The following LPAR6 variants were observed in gnomAD, a reference collection of about 807,000 sequenced individuals.
LPAR6 encodes the protein lysophosphatidic acid receptor 6.
In LPAR6, 17 loss-of-function variants were observed where a neutral mutation model predicts 22.0. That is an observed-to-expected ratio of 0.77 (90% confidence interval 0.53 to 1.16). LPAR6 has a LOEUF of 1.16. Ranked by LOEUF, LPAR6 falls within the 50% of genes most tolerant of loss-of-function variation. The probability of loss-of-function intolerance (pLI) is 0.00; values close to 1 mark genes in which losing one functional copy is unlikely to be tolerated. For missense variants in LPAR6, 384 were observed against 406.9 expected (o/e 0.94, Z 0.48); for synonymous variants, 136 against 139.8 (o/e 0.97, Z 0.19).
intron 1 of LPAR6, among the ~76,000 whole-genome samples, chr13:48,434,051 T>C (rs1001459206): frequency 5.3e-5 from 8 of 152,056 alleles, no homozygotes; most frequent in Non-Finnish European, 1.2e-4. Flanking sequence ...GTTACAAGAA[T>C]ATATGTTCTT....
intron 1 of LPAR6, among the ~76,000 whole-genome samples, chr13:48,435,659 AT>A (rs1444958473): frequency 6.6e-6 from 1 of 152,146 alleles, no homozygotes; most frequent in Admixed American, 6.5e-5. Flanking sequence ...ATTTTCCCTT[AT>A]ACTTAAAAAA....
At chr13:48,416,005 T>G (rs1948902135), upstream of LPAR6, among the ~76,000 whole-genome samples, 1 of 152,240 alleles carries the variant, frequency 6.6e-6, no homozygotes. Flanking sequence ...GATACTTTTG[T>G]ATTTGATAAA....
chr13:48,423,534 A>G (rs564322573), intron 1 of LPAR6, among the ~76,000 whole-genome samples: 1 of 152,126 alleles, frequency 6.6e-6, no homozygotes, highest in Non-Finnish European at 1.5e-5. Flanking sequence ...TAAAAGACCT[A>G]TTTTTTTCCA....
chr13:48,430,387 A>G (rs944739487), upstream of LPAR6, among the ~76,000 whole-genome samples: 4 of 152,186 alleles, frequency 2.6e-5, no homozygotes, highest in Non-Finnish European at 4.4e-5. Flanking sequence ...TCAATAAAAA[A>G]TGACTCCATT....
intron 1 of LPAR6, among the ~76,000 whole-genome samples, chr13:48,444,118 C>T (rs1239434645): frequency 6.6e-6 from 1 of 152,084 alleles, no homozygotes; most frequent in East Asian, 1.9e-4. Context: ...TACCTCATAC[C>T]CCCAGACACC....
intron 1 of LPAR6, among the ~76,000 whole-genome samples, chr13:48,405,675 T>G (rs1948733489): frequency 6.6e-6 from 1 of 152,222 alleles, no homozygotes; most frequent in Admixed American, 6.5e-5. Context: ...GAAGAAAGTT[T>G]GTCAATACCC....
rs554356667 is a variant in LPAR6, at chr13:48,412,591, G to A, written c.-168C>T. 213 of 634,750 alleles carry A rather than the reference G, an allele frequency of 3.4e-4. No individual in the cohort carries two copies. The Middle Eastern group carries it at 3.7e-3, about 11-fold the overall frequency. The allele number at this position is 634,750 out of a possible 1,614,324, so 39.3% of individuals were successfully genotyped here. On this transcript the variant is annotated 5_prime_UTR_variant, in exon 1 of 1. Transcript: ENST00000620633. ...TCTCAGAAATACCCAAAAGAAACAT[G>A]AAATTTGTTGCTGTAAAATTTCCGC...
chr13:48,392,133 T>C (rs2138161406), intron 1 of LPAR6, among the ~76,000 whole-genome samples: 1 of 152,138 alleles, frequency 6.6e-6, no homozygotes, highest in African/African-American at 2.4e-5. Flanking sequence ...TTTTTTGAGA[T>C]GAAGCCTCGC....
intron 1 of LPAR6, among the ~76,000 whole-genome samples, chr13:48,397,379 C>A (rs1443075311): frequency 6.6e-6 from 1 of 152,090 alleles, no homozygotes; most frequent in Non-Finnish European, 1.5e-5. Flanking sequence ...TCATTCTCAG[C>A]AAACTAACCA....
intron 1 of LPAR6, among the ~76,000 whole-genome samples, chr13:48,390,586 TA>T (rs919297248): frequency 6.6e-6 from 1 of 151,514 alleles, no homozygotes; most frequent in African/African-American, 2.4e-5. Flanking sequence ...CTGGCTCACT[TA>T]AAAAAAAACT....
At chr13:48,390,662 T>C (rs993863388) in intron 1 of LPAR6, among the ~76,000 whole-genome samples, 7 of 152,196 alleles carry the variant, frequency 4.6e-5, no homozygotes, top group Non-Finnish European at 1.5e-5. Flanking sequence ...AAGCATTAGA[T>C]TTGTAATGTC....
intron 1 of LPAR6, chr13:48,391,374 A>G (rs1044725337): frequency 1.3e-5 from 2 of 152,172 alleles, no homozygotes; most frequent in South Asian, 2.1e-4. Context: ...GAGAAAAAAG[A>G]TGTTTTTATT....
At chr13:48,431,319 C>A (rs1321637762), upstream of LPAR6, among the ~76,000 whole-genome samples, 3 of 151,988 alleles carry the variant, frequency 2.0e-5, no homozygotes, top group Admixed American at 2.0e-4. Flanking sequence ...TCTTTCTTTT[C>A]TTTTTATTAT....
At chr13:48,429,594 A>G (rs1949109463), upstream of LPAR6, 1 of 152,186 alleles carries the variant, frequency 6.6e-6, no homozygotes, top group Admixed American at 6.5e-5. Flanking sequence ...AGAACTAAAA[A>G]AAAAACAAAA....
In LPAR6 at chr13:48,411,989, G is replaced by T. The variant is rs1566212254; in HGVS notation, c.435C>A (p.Ile145=). The T allele has an allele frequency of 1.9e-6, 3 of 1,605,290 alleles. No individual in the cohort carries two copies. Among genetic ancestry groups the T allele is most frequent in the African/African-American group, 1.3e-5 (1 of 74,844 alleles). Residue 145 remains isoleucine (I), a synonymous_variant, in exon 1 of 1, where the codon ATC becomes ATA. Transcript: ENST00000620633. The part of the protein sequence containing the change: ...IVCTGVWLTV[I]GGSAPAVFVQ... The stretch of plus-strand genomic sequence containing the variant: ...CAAAAACGGCGGGTGCACTTCCTCC[G>T]ATCACAGTTAACCACACGCCAGTGC...
Position 48,412,461 on chromosome 13 carries a change from T to C in LPAR6, c.-38A>G. ...TCCAATTTTCAGTTTGGAAGCACTT[T>C]CATCAGCTGCAGTCTCCTTTGGGAT... On this transcript the variant is annotated 5_prime_UTR_variant, in exon 1 of 1. Coordinates refer to ENST00000620633, the MANE Select transcript of LPAR6 (RefSeq NM_001162498.3). 1 of 1,360,436 alleles carries C rather than the reference T, an allele frequency of 7.4e-7. No homozygotes were observed. The highest frequency in any genetic ancestry group is 1.4e-5 in the African/African-American group (1 of 70,106). 84.3% of individuals were successfully genotyped at this position (1,360,436 alleles called of 1,614,324 possible). A position where few individuals can be genotyped will look rare whatever the true frequency, so the allele number is the denominator to read the frequency against.
At chr13:48,425,275 T>C (rs1949063539) in intron 1 of LPAR6, among the ~76,000 whole-genome samples, 1 of 152,236 alleles carries the variant, frequency 6.6e-6, no homozygotes, top group Non-Finnish European at 1.5e-5. Context: ...CCCATTAATA[T>C]AGTCATGCTG....
At chr13:48,415,271 T>C (rs1178150270), upstream of LPAR6, among the ~76,000 whole-genome samples, 1 of 151,922 alleles carries the variant, frequency 6.6e-6, no homozygotes, top group African/African-American at 2.4e-5. Context: ...TTTTTTCTTT[T>C]CTTTTCTTTT....
chr13:48,431,239 A>C (rs896782269), upstream of LPAR6, among the ~76,000 whole-genome samples: 4 of 152,296 alleles, frequency 2.6e-5, no homozygotes, highest in African/African-American at 9.6e-5. Context: ...TTAGGTACCC[A>C]AATTTAATAT....
Sources: allele counts gnomAD v4.1 joint callset (sites outside exome capture counted in the v4.1 genomes callset), GRCh38; gene constraint gnomAD v4.1.1; transcripts MANE v1.5; gene names NCBI Gene and HGNC (gene_info 2026-07-23, HGNC 2026-07-21).